GRID1: variants seen among roughly 807,000 people sequenced by gnomAD.
The protein encoded by GRID1 is glutamate ionotropic receptor delta type subunit 1.
In GRID1, 28 loss-of-function variants were observed where a neutral mutation model predicts 98.0. That is an observed-to-expected ratio of 0.29 (90% CI 0.21 to 0.39). The LOEUF (loss-of-function observed/expected upper bound fraction) is 0.39, where lower values mean the gene tolerates loss of function less well. Ranked by LOEUF, GRID1 falls within the 10% of genes least tolerant of loss-of-function variation. The pLI is 1.00. For missense variants in GRID1, 1,111 were observed against 1,340.5 expected (o/e 0.83, Z 2.67); for synonymous variants, 553 against 538.5 (o/e 1.03, Z -0.37).
intron 4 of GRID1, among the ~76,000 whole-genome samples, chr10:86,121,289 CA>C (rs1844661314): frequency 6.6e-6 from 1 of 150,724 alleles, no homozygotes; most frequent in African/African-American, 2.5e-5. Context: ...TGCACCTTAA[CA>C]AAAAATCATC....
intron 4 of GRID1, among the ~76,000 whole-genome samples, chr10:86,099,666 T>C (rs1264934083): frequency 6.6e-6 from 1 of 152,178 alleles, no homozygotes; most frequent in African/African-American, 2.4e-5. Context: ...AAGCCCTCCC[T>C]CTGTGACTCT....
At chr10:86,039,324 T>C (rs1361940005) in intron 4 of GRID1, among the ~76,000 whole-genome samples, 1 of 152,164 alleles carries the variant, frequency 6.6e-6, no homozygotes, top group Non-Finnish European at 1.5e-5. Context: ...TAAAATTCCC[T>C]TTTGGTACCT....
intron 4 of GRID1, among the ~76,000 whole-genome samples, chr10:86,122,952 C>T (rs1663624195): frequency 6.6e-6 from 1 of 152,214 alleles, no homozygotes; most frequent in Non-Finnish European, 1.5e-5. Flanking sequence ...GTCCAGAGTC[C>T]AGGGACACAG....
intron 4 of GRID1, among the ~76,000 whole-genome samples, chr10:86,041,422 C>A (rs1320956106): frequency 1.3e-5 from 2 of 152,178 alleles, no homozygotes; most frequent in African/African-American, 4.8e-5. Flanking sequence ...GTTCCATGAT[C>A]CACAAGAAAG....
intron 14 of GRID1, among the ~76,000 whole-genome samples, chr10:85,614,288 G>A (rs1000862722): frequency 3.9e-5 from 6 of 152,224 alleles, no homozygotes; most frequent in Admixed American, 3.9e-4. Flanking sequence ...CACATGGTGA[G>A]TGCTGTCCAC....
At chr10:86,166,069 G>A (rs1184897623) in intron 3 of GRID1, among the ~76,000 whole-genome samples, 1 of 152,160 alleles carries the variant, frequency 6.6e-6, no homozygotes, top group Admixed American at 6.5e-5. Flanking sequence ...CCTCCATCAC[G>A]TGCGTTCTGT....
chr10:86,154,740 A>C (rs1229543655), intron 3 of GRID1, among the ~76,000 whole-genome samples: 1 of 152,182 alleles, frequency 6.6e-6, no homozygotes, highest in East Asian at 1.9e-4. Context: ...AGAAGCCCAC[A>C]CCTGAGCTAG....
At chr10:86,241,844 G>A (rs993300557) in intron 2 of GRID1, among the ~76,000 whole-genome samples, 1 of 152,094 alleles carries the variant, frequency 6.6e-6, no homozygotes, top group Non-Finnish European at 1.5e-5. Flanking sequence ...ACCCCCACCT[G>A]ACCCAGCCTG....
intron 4 of GRID1, among the ~76,000 whole-genome samples, chr10:86,064,883 A>T (rs77735747): frequency 6.6e-6 from 1 of 152,238 alleles, no homozygotes. Context: ...CGCTGGCCAC[A>T]TGAAGCCTGC....
At chr10:86,346,911 G>T (rs1329444236) in intron 2 of GRID1, among the ~76,000 whole-genome samples, 1 of 152,198 alleles carries the variant, frequency 6.6e-6, no homozygotes, top group Non-Finnish European at 1.5e-5. Context: ...GGGGAAGACT[G>T]AAACCAGGTA....
chr10:86,022,640 A>C (rs534494145), intron 4 of GRID1, among the ~76,000 whole-genome samples: 2 of 152,130 alleles, frequency 1.3e-5, no homozygotes, highest in Non-Finnish European at 2.9e-5. Context: ...TTTTTTGGCC[A>C]GGTGCAGTGG....
At chr10:86,257,680 T>C (rs1846943838) in intron 2 of GRID1, among the ~76,000 whole-genome samples, 1 of 151,984 alleles carries the variant, frequency 6.6e-6, no homozygotes. Flanking sequence ...GTAGGGACAG[T>C]GATACTATGG....
intron 4 of GRID1, among the ~76,000 whole-genome samples, chr10:86,065,378 G>A (rs1018303814): frequency 1.3e-5 from 2 of 152,222 alleles, no homozygotes; most frequent in African/African-American, 4.8e-5. Context: ...GTGGACTCTG[G>A]TCCAAGCAGC....
chr10:85,741,128 A>G (rs551062849), intron 8 of GRID1, among the ~76,000 whole-genome samples: 17 of 152,146 alleles, frequency 1.1e-4, no homozygotes, highest in Non-Finnish European at 2.4e-4. Flanking sequence ...TTGAAAAACT[A>G]ATAATATTGA....
At chr10:86,065,647 G>A (rs1330445100) in intron 4 of GRID1, among the ~76,000 whole-genome samples, 1 of 152,208 alleles carries the variant, frequency 6.6e-6, no homozygotes, top group Non-Finnish European at 1.5e-5. Context: ...CAGGGCTCAG[G>A]AACTTCTGCA....
intron 3 of GRID1, among the ~76,000 whole-genome samples, chr10:86,160,672 T>C (rs1281838176): frequency 6.6e-6 from 1 of 152,250 alleles, no homozygotes; most frequent in Non-Finnish European, 1.5e-5. Flanking sequence ...CAGCATGTGC[T>C]GAGGGCCTAT....
At chr10:86,138,384 T>C (rs978769736) in intron 4 of GRID1, among the ~76,000 whole-genome samples, 12 of 152,062 alleles carry the variant, frequency 7.9e-5, no homozygotes, top group South Asian at 2.1e-4. Context: ...CCTTCAACGA[T>C]AGGCAAAGAC....
At chr10:85,645,139 CA>C (rs1292611682) in intron 13 of GRID1, among the ~76,000 whole-genome samples, 1 of 151,732 alleles carries the variant, frequency 6.6e-6, no homozygotes. Flanking sequence ...TTAACAAAGT[CA>C]AAAGTAGCTA....
chr10:86,054,192 G>A lies in GRID1; in HGVS notation c.726+84627C>T, dbSNP rs765743497. Among the ~76,000 whole-genome samples the A allele has an allele frequency of 5.3e-4, 80 of 151,974 alleles. 1 individual carries two copies. Among genetic ancestry groups the A allele is most frequent in the African/African-American group, 1.9e-3 (79 of 41,462 alleles). On this transcript the variant is annotated intron_variant, in intron 4 of 15. Transcript: ENST00000327946. ...AAAAGAGCAACTCTGAAGGCCCAGA[G>A]TGCGATACCACAGGACTCACAGGGA...
Sources: allele counts gnomAD v4.1 joint callset (sites outside exome capture counted in the v4.1 genomes callset), GRCh38; gene constraint gnomAD v4.1.1; transcripts MANE v1.5; gene names NCBI Gene and HGNC (gene_info 2026-07-23, HGNC 2026-07-21).